The following NEGR1 variants were observed in gnomAD, a reference collection of about 807,000 sequenced individuals.
NEGR1 encodes the protein neuronal growth regulator 1, also known as IgLON family member 4.
A neutral mutation model predicts 40.9 loss-of-function variants in NEGR1; 10 were observed. That is an observed-to-expected ratio of 0.24 (90% confidence interval 0.15 to 0.42). NEGR1 has a LOEUF of 0.42. Among genes scored for constraint, NEGR1 ranks in the 10% least tolerant of loss-of-function variants. The pLI is 1.00. For synonymous variants in NEGR1, 185 were observed against 166.8 expected, an observed-to-expected ratio of 1.11 and a Z score of -0.84; for missense variants, 352 against 438.9, an observed-to-expected ratio of 0.80 and a Z score of 1.77.
chr1:71,454,555 G>C (rs533510610), intron 6 of NEGR1, among the ~76,000 whole-genome samples: 4 of 73,546 alleles, frequency 5.4e-5, no homozygotes, highest in African/African-American at 1.6e-4. Context: ...GTTTCCTTGT[G>C]GTTTTAAAAA....
chr1:71,905,237 A>G (rs1311831879), intron 2 of NEGR1, among the ~76,000 whole-genome samples: 2 of 152,086 alleles, frequency 1.3e-5, no homozygotes, highest in East Asian at 1.9e-4. Flanking sequence ...TTTCTTTAAC[A>G]GCTATGCATA....
intron 3 of NEGR1, among the ~76,000 whole-genome samples, chr1:71,725,364 C>T (rs892807734): frequency 2.8e-4 from 43 of 152,012 alleles, no homozygotes; most frequent in African/African-American, 1.0e-3. Flanking sequence ...TTATAGAACC[C>T]ACACCTTGAT....
At chr1:71,969,384 T>C (rs1192768967) in intron 1 of NEGR1, among the ~76,000 whole-genome samples, 2 of 152,226 alleles carry the variant, frequency 1.3e-5, no homozygotes, top group Non-Finnish European at 2.9e-5. Flanking sequence ...GATTCTTCTG[T>C]TGAAATCCTG....
intron 1 of NEGR1, among the ~76,000 whole-genome samples, chr1:72,264,425 T>A (rs560742961): frequency 6.6e-6 from 1 of 151,254 alleles, no homozygotes; most frequent in East Asian, 1.9e-4. Flanking sequence ...ATTTAAAATT[T>A]GTAATAAATA....
At chr1:71,787,476 C>G (rs1191238470) in intron 2 of NEGR1, among the ~76,000 whole-genome samples, 1 of 152,132 alleles carries the variant, frequency 6.6e-6, no homozygotes, top group Non-Finnish European at 1.5e-5. Flanking sequence ...GAGCACCTGT[C>G]TAAAGAGAGC....
rs142104443 is a variant in NEGR1, at chr1:71,915,351, T to C, written c.409+19728A>G. On this transcript the variant is annotated intron_variant, in intron 2 of 6. Transcript: ENST00000357731. ...GTTGGAGAAATAAGCAGCTAATATTTATAACAAAGTTGTTTGACACATCTA... is the reference window on the plus strand; with the variant it reads ...GTTGGAGAAATAAGCAGCTAATATTCATAACAAAGTTGTTTGACACATCTA... Among the ~76,000 whole-genome samples the C allele has an allele frequency of 2.1e-3, 327 of 152,282 alleles. 1 individual carries two copies. The highest frequency in any genetic ancestry group is 7.5e-3 in the African/African-American group (311 of 41,574).
At chr1:72,077,995 G>T (rs1453027119) in intron 1 of NEGR1, among the ~76,000 whole-genome samples, 1 of 152,116 alleles carries the variant, frequency 6.6e-6, no homozygotes, top group Non-Finnish European at 1.5e-5. Flanking sequence ...GTGGAAATAT[G>T]GAACGATGAA....
At chr1:72,276,779 T>A (rs1046229595) in intron 1 of NEGR1, among the ~76,000 whole-genome samples, 2 of 152,260 alleles carry the variant, frequency 1.3e-5, no homozygotes, top group Admixed American at 1.3e-4. Context: ...CTACCACTTT[T>A]CACTATGCAT....
intron 2 of NEGR1, among the ~76,000 whole-genome samples, chr1:71,826,921 G>A (rs974593480): frequency 6.6e-6 from 1 of 151,882 alleles, no homozygotes; most frequent in African/African-American, 2.4e-5. Flanking sequence ...GGAGTGGTAA[G>A]CAAATAGCAT....
At chr1:72,127,990 A>G (rs1047450037) in intron 1 of NEGR1, among the ~76,000 whole-genome samples, 4 of 152,216 alleles carry the variant, frequency 2.6e-5, no homozygotes, top group Non-Finnish European at 5.9e-5. Context: ...TACACAGTCT[A>G]TCAGTAAAAT....
At chr1:72,268,173 T>G (rs1252020142) in intron 1 of NEGR1, among the ~76,000 whole-genome samples, 4 of 151,322 alleles carry the variant, frequency 2.6e-5, no homozygotes. Context: ...TTAACTAAAT[T>G]TTTCTGGCCA....
intron 4 of NEGR1, among the ~76,000 whole-genome samples, chr1:71,671,664 A>G (rs1380280183): frequency 3.3e-5 from 5 of 152,084 alleles, no homozygotes; most frequent in Non-Finnish European, 7.4e-5. Flanking sequence ...TTGCCATTAC[A>G]GTGTCTGTAT....
intron 1 of NEGR1, among the ~76,000 whole-genome samples, chr1:71,935,911 G>C (rs186307345): frequency 1.3e-5 from 2 of 152,224 alleles, no homozygotes; most frequent in African/African-American, 4.8e-5. Flanking sequence ...CAATTCTCCT[G>C]TCTCAGCCTC....
intron 1 of NEGR1, among the ~76,000 whole-genome samples, chr1:71,947,523 AC>A (rs1646032342): frequency 2.0e-5 from 3 of 152,268 alleles, no homozygotes; most frequent in South Asian, 4.1e-4. Flanking sequence ...GATACTATAC[AC>A]CCTGTAGATG....
At chr1:72,207,524 T>C (rs1272365243) in intron 1 of NEGR1, among the ~76,000 whole-genome samples, 1 of 151,804 alleles carries the variant, frequency 6.6e-6, no homozygotes, top group East Asian at 1.9e-4. Flanking sequence ...GCAAACAAGT[T>C]TTCCTGAAAG....
At chr1:72,046,203 A>T (rs553330751) in intron 1 of NEGR1, among the ~76,000 whole-genome samples, 1 of 151,836 alleles carries the variant, frequency 6.6e-6, no homozygotes, top group South Asian at 2.1e-4. Flanking sequence ...AAAAATGCAA[A>T]AAAAGGTAAA....
At chr1:71,570,980 G>A (rs980761749) in intron 6 of NEGR1, 4 of 152,118 alleles carry the variant, frequency 2.6e-5, no homozygotes, top group Non-Finnish European at 2.9e-5. Context: ...CCAAATTACT[G>A]ATGTCTATCT....
chr1:72,052,404 A>G (rs1382952765), intron 1 of NEGR1, among the ~76,000 whole-genome samples: 1 of 151,426 alleles, frequency 6.6e-6, no homozygotes, highest in Admixed American at 6.6e-5. Context: ...TGCTCACATG[A>G]ATTTAAATGA....
At chr1:71,771,379 A>G (rs1656315746) in intron 3 of NEGR1, among the ~76,000 whole-genome samples, 1 of 152,106 alleles carries the variant, frequency 6.6e-6, no homozygotes, top group African/African-American at 2.4e-5. Flanking sequence ...GCAAACCACC[A>G]TGGCATGTGT....
Sources: allele counts gnomAD v4.1 joint callset (sites outside exome capture counted in the v4.1 genomes callset), GRCh38; gene constraint gnomAD v4.1.1; transcripts MANE v1.5; gene names NCBI Gene and HGNC (gene_info 2026-07-23, HGNC 2026-07-21).